CTNNA3: variants seen among roughly 807,000 people sequenced by gnomAD.
CTNNA3 encodes the protein catenin alpha 3, also known as catenin alpha-3.
In CTNNA3, 76 loss-of-function variants were observed where a neutral mutation model predicts 95.7. The ratio of observed to expected loss-of-function variants is 0.79; its 90% CI spans 0.66 to 0.96. The LOEUF is 0.96. Ranked by LOEUF, CTNNA3 falls within the 40% of genes least tolerant of loss-of-function variation. The probability of loss-of-function intolerance (pLI) is 0.00; values close to 1 mark genes in which losing one functional copy is unlikely to be tolerated. For synonymous variants in CTNNA3, 431 were observed against 374.4 expected, an observed-to-expected ratio of 1.15 and a Z score of -1.74; for missense variants, 1,191 against 1,089.8, an observed-to-expected ratio of 1.09 and a Z score of -1.31.
intron 11 of CTNNA3, among the ~76,000 whole-genome samples, chr10:66,453,863 A>T (rs1056829587): frequency 1.3e-5 from 2 of 152,330 alleles, no homozygotes; most frequent in Non-Finnish European, 2.9e-5. Flanking sequence ...TAGTAGGCAG[A>T]ATAATGGCTC....
upstream of CTNNA3, among the ~76,000 whole-genome samples, chr10:67,697,086 G>A (rs1202291604): frequency 6.6e-6 from 1 of 152,192 alleles, no homozygotes; most frequent in African/African-American, 2.4e-5. Context: ...GAAAGGCAGG[G>A]TCTGGGAACT....
chr10:66,871,516 C>T (rs1005614927), intron 7 of CTNNA3, among the ~76,000 whole-genome samples: 3 of 138,912 alleles, frequency 2.2e-5, no homozygotes, highest in African/African-American at 5.5e-5. Flanking sequence ...GAGCTGAGAT[C>T]GCACCACTGC....
At chr10:67,231,332 A>G (rs1865198899) in intron 5 of CTNNA3, among the ~76,000 whole-genome samples, 1 of 152,194 alleles carries the variant, frequency 6.6e-6, no homozygotes, top group Non-Finnish European at 1.5e-5. Context: ...AGATCTGAGA[A>G]CCAGCAGACT....
chr10:66,398,398 A>T (rs147838854), intron 11 of CTNNA3, among the ~76,000 whole-genome samples: 7 of 152,084 alleles, frequency 4.6e-5, no homozygotes, highest in African/African-American at 1.7e-4. Context: ...TCATATGCCC[A>T]GCAGTTACAA....
At chr10:66,381,762 C>T (rs1364084044) in intron 11 of CTNNA3, among the ~76,000 whole-genome samples, 1 of 152,134 alleles carries the variant, frequency 6.6e-6, no homozygotes, top group African/African-American at 2.4e-5. Flanking sequence ...TAATTTGCAG[C>T]ATTCAGTTAT....
chr10:67,268,381 TAGC>T (rs1465228226), intron 5 of CTNNA3, among the ~76,000 whole-genome samples: 1 of 150,304 alleles, frequency 6.7e-6, no homozygotes, highest in Non-Finnish European at 1.5e-5. Context: ...AATCAGCCGT[TAGC>T]GGCGGCTCAT....
At chr10:66,943,325 A>G (rs1342164316) in intron 7 of CTNNA3, among the ~76,000 whole-genome samples, 1 of 152,158 alleles carries the variant, frequency 6.6e-6, no homozygotes, top group African/African-American at 2.4e-5. Context: ...GAAGTGTTAA[A>G]TCTTATTAGA....
chr10:67,416,884 G>A (rs1412868024), intron 5 of CTNNA3, among the ~76,000 whole-genome samples: 3 of 152,006 alleles, frequency 2.0e-5, no homozygotes, highest in Non-Finnish European at 4.4e-5. Context: ...AAAGCAGTCG[G>A]GAGATTTCTC....
chr10:66,886,643 C>T (rs1033918435), intron 7 of CTNNA3, among the ~76,000 whole-genome samples: 2 of 152,182 alleles, frequency 1.3e-5, no homozygotes, highest in East Asian at 3.9e-4. Flanking sequence ...AATCAATAGC[C>T]TTAACAAGTG....
chr10:67,346,755 T>C, intron 5 of CTNNA3: 1 of 491,640 alleles, frequency 2.0e-6, no homozygotes, highest in Non-Finnish European at 4.1e-6. Flanking sequence ...TCAGGTCTCC[T>C]TCCTGAAGAA....
At chr10:67,667,994 T>C (rs1840361380) in intron 1 of CTNNA3, among the ~76,000 whole-genome samples, 1 of 152,214 alleles carries the variant, frequency 6.6e-6, no homozygotes, top group Non-Finnish European at 1.5e-5. Flanking sequence ...TTTTGGAATA[T>C]GTATATAAAT....
chr10:67,480,831 G>A (rs1848191055), intron 5 of CTNNA3, among the ~76,000 whole-genome samples: 1 of 152,080 alleles, frequency 6.6e-6, no homozygotes, highest in South Asian at 2.1e-4. Context: ...CCGCTGGGTT[G>A]GGGTCTCCAT....
At chr10:67,504,146 G>A (rs1253740084) in intron 5 of CTNNA3, among the ~76,000 whole-genome samples, 1 of 137,414 alleles carries the variant, frequency 7.3e-6, no homozygotes. Context: ...AACAGAGCAA[G>A]ACTCCGTCTC....
chr10:66,304,267 A>G (rs2091902779), intron 12 of CTNNA3, among the ~76,000 whole-genome samples: 2 of 152,160 alleles, frequency 1.3e-5, no homozygotes, highest in Admixed American at 1.3e-4. Flanking sequence ...AGGTTGTTAA[A>G]CATCTGAACT....
chr10:67,664,387 G>A (rs1358875087), intron 1 of CTNNA3, among the ~76,000 whole-genome samples: 1 of 152,140 alleles, frequency 6.6e-6, no homozygotes, highest in Non-Finnish European at 1.5e-5. Flanking sequence ...CAAAACACGA[G>A]TGACATTTAA....
intron 13 of CTNNA3, among the ~76,000 whole-genome samples, chr10:66,184,119 A>G (rs1341451280): frequency 1.3e-5 from 2 of 152,044 alleles, no homozygotes; most frequent in East Asian, 1.9e-4. Flanking sequence ...CTAACATGGC[A>G]AAACCCTGTC....
At chr10:67,321,974 T>G (rs1841337494) in intron 5 of CTNNA3, among the ~76,000 whole-genome samples, 1 of 152,074 alleles carries the variant, frequency 6.6e-6, no homozygotes, top group East Asian at 1.9e-4. Context: ...ATTGAATCCA[T>G]CAGCCAGGCC....
chr10:66,542,799 A>G (rs1440939634), intron 10 of CTNNA3, among the ~76,000 whole-genome samples: 1 of 151,764 alleles, frequency 6.6e-6, no homozygotes, highest in African/African-American at 2.4e-5. Context: ...ATGATGAGTT[A>G]ATGGGTGCAG....
intron 9 of CTNNA3, among the ~76,000 whole-genome samples, chr10:66,624,549 T>G (rs1220873884): frequency 1.3e-5 from 2 of 152,224 alleles, no homozygotes; most frequent in East Asian, 1.9e-4. Context: ...ATACAAACAT[T>G]GAGTCTAGAT....
Sources: allele counts gnomAD v4.1 joint callset (sites outside exome capture counted in the v4.1 genomes callset), GRCh38; gene constraint gnomAD v4.1.1; transcripts MANE v1.5; gene names NCBI Gene and HGNC (gene_info 2026-07-23, HGNC 2026-07-21).